The following SLC22A3 variants were observed in gnomAD, a reference collection of about 807,000 sequenced individuals.
The protein encoded by SLC22A3 is solute carrier family 22 member 3.
Under a neutral mutation model 59.1 loss-of-function variants are expected in SLC22A3, and 51 were observed. The ratio of observed to expected loss-of-function variants is 0.86; its 90% CI spans 0.69 to 1.09. The LOEUF (loss-of-function observed/expected upper bound fraction) is 1.09. Among genes scored for constraint, SLC22A3 ranks in the 50% least tolerant of loss-of-function variants. SLC22A3 has a pLI of 0.00. For missense variants in SLC22A3, 711 were observed against 726.3 expected (o/e 0.98, Z 0.24); for synonymous variants, 325 against 292.0 (o/e 1.11, Z -1.15).
intron 1 of SLC22A3, among the ~76,000 whole-genome samples, chr6:160,351,350 C>A (rs1006917631): frequency 6.6e-6 from 1 of 152,180 alleles, no homozygotes; most frequent in African/African-American, 2.4e-5. Flanking sequence ...CTCCTGACCT[C>A]GTGATCCGCC....
intron 1 of SLC22A3, among the ~76,000 whole-genome samples, chr6:160,375,064 G>T (rs1785540534): frequency 6.6e-6 from 1 of 152,158 alleles, no homozygotes; most frequent in Admixed American, 6.5e-5. Context: ...AGGCAGAAAT[G>T]ACCACATGCT....
chr6:160,444,228 G>A (rs140793089), intron 9 of SLC22A3, among the ~76,000 whole-genome samples: 43 of 152,144 alleles, frequency 2.8e-4, no homozygotes, highest in African/African-American at 5.1e-4. Context: ...TTAGCTAGGC[G>A]TGGTGATCCA....
intron 1 of SLC22A3, among the ~76,000 whole-genome samples, chr6:160,382,862 A>T (rs1249258914): frequency 6.6e-6 from 1 of 152,242 alleles, no homozygotes. Context: ...ATTATTAAAA[A>T]AATGGAAATT....
chr6:160,405,117 A>T (rs1786958637), intron 2 of SLC22A3, among the ~76,000 whole-genome samples: 1 of 152,140 alleles, frequency 6.6e-6, no homozygotes, highest in Admixed American at 6.6e-5. Flanking sequence ...TGAAATGACA[A>T]GACACAGACT....
In SLC22A3 at chr6:160,410,777, T is replaced by C. The variant is rs1305811899; in HGVS notation, c.906T>C (p.Asp302=). 2.5e-6 allele frequency: 4 copies of C among 1,613,422 alleles called. No homozygotes were observed. The highest frequency in any genetic ancestry group is 4.5e-5 in the East Asian group (2 of 44,850). The part of the protein sequence containing the change: ...PRWLITRKKG[D]KALQILRRIA... ...GGCTGATTACTCGGAAGAAAGGAGA[T>C]AAAGCATTACAGATCCTGAGACGCA... Residue 302 remains aspartate, a synonymous_variant, in exon 5 of 11, where the codon GAT becomes GAC. Transcript: ENST00000275300.
chr6:160,435,206 CATGG>C (rs1429574530), intron 5 of SLC22A3, among the ~76,000 whole-genome samples: 1 of 152,174 alleles, frequency 6.6e-6, no homozygotes, highest in Non-Finnish European at 1.5e-5. Context: ...GGAAGGGAAG[CATGG>C]ATGGTGGAAT....
chr6:160,386,215 T>C (rs769660821), intron 1 of SLC22A3, among the ~76,000 whole-genome samples: 2 of 152,234 alleles, frequency 1.3e-5, no homozygotes, highest in African/African-American at 2.4e-5. Flanking sequence ...CAGCTCCTTA[T>C]ACTTCTGCCC....
intron 1 of SLC22A3, among the ~76,000 whole-genome samples, chr6:160,363,830 T>A (rs1174175138): frequency 6.6e-6 from 1 of 151,912 alleles, no homozygotes; most frequent in Non-Finnish European, 1.5e-5. Flanking sequence ...GGGTTTTTCC[T>A]TGATGACTGT....
At chr6:160,392,885 C>G (rs1257823839) in intron 1 of SLC22A3, among the ~76,000 whole-genome samples, 1 of 149,030 alleles carries the variant, frequency 6.7e-6, no homozygotes, top group East Asian at 1.9e-4. Context: ...CTGACAGTAT[C>G]AGTGATTATT....
intron 4 of SLC22A3, 86 bp from the exon 5 acceptor site, chr6:160,410,643 T>A: frequency 1.2e-6 from 1 of 827,630 alleles, no homozygotes; most frequent in Non-Finnish European, 2.1e-6. Context: ...AATTGCAAGA[T>A]CCATTTTGAT....
At chr6:160,354,227 T>C (rs1295520588) in intron 1 of SLC22A3, among the ~76,000 whole-genome samples, 2 of 152,232 alleles carry the variant, frequency 1.3e-5, no homozygotes, top group Non-Finnish European at 2.9e-5. Context: ...AGATAAATCT[T>C]GTCCTAAATC....
rs8187717 is a variant in SLC22A3 at position 160,348,765 on chromosome 6, G to C, written c.346G>C (p.Ala116Pro). The C allele has an allele frequency of 2.6e-6, 4 of 1,544,940 alleles. No homozygotes were observed. The African/African-American group carries it at 5.4e-5, about 21-fold the overall frequency. Residue 116 changes from alanine to proline, a missense_variant, in exon 1 of 11, where the codon GCC (alanine) becomes CCC (proline). Coordinates refer to ENST00000275300, the MANE Select transcript of SLC22A3 (RefSeq NM_021977.4). ...TCTCAGCTGCGCGGACCCACTCGCC[G>C]CCTTCCCCAACCGCTCGGCTCCCCT... ...SALSCADPLAAFPNRSAPLVP... is the reference protein window; with the variant it reads ...SALSCADPLAPFPNRSAPLVP...
At chr6:160,412,324 C>A (rs895294270) in intron 5 of SLC22A3, among the ~76,000 whole-genome samples, 3 of 152,174 alleles carry the variant, frequency 2.0e-5, no homozygotes, top group African/African-American at 7.2e-5. Flanking sequence ...GATTGCCCCA[C>A]TGCACTCCAG....
At chr6:160,387,097 C>CA (rs1786051322) in intron 1 of SLC22A3, among the ~76,000 whole-genome samples, 1 of 152,236 alleles carries the variant, frequency 6.6e-6, no homozygotes, top group African/African-American at 2.4e-5. Context: ...GGAAGATAGA[C>CA]AGCTGACAGG....
intron 1 of SLC22A3, among the ~76,000 whole-genome samples, chr6:160,383,944 G>T (rs992810269): frequency 2.0e-5 from 3 of 152,034 alleles, no homozygotes; most frequent in Non-Finnish European, 2.9e-5. Flanking sequence ...CAGTTTTGGT[G>T]GGGGGGATGG....
chr6:160,380,578 G>A (rs971819626), intron 1 of SLC22A3, among the ~76,000 whole-genome samples: 1 of 152,046 alleles, frequency 6.6e-6, no homozygotes, highest in African/African-American at 2.4e-5. Flanking sequence ...ATAGACAAAG[G>A]TCTAGAAAAA....
chr6:160,389,014 C>G (rs1022539321), intron 1 of SLC22A3, among the ~76,000 whole-genome samples: 1 of 152,134 alleles, frequency 6.6e-6, no homozygotes, highest in Non-Finnish European at 1.5e-5. Context: ...TCAGTTACCC[C>G]CAAACCAAGG....
At chr6:160,444,220 A>T (rs1236539274) in intron 9 of SLC22A3, among the ~76,000 whole-genome samples, 1 of 152,140 alleles carries the variant, frequency 6.6e-6, no homozygotes, top group African/African-American at 2.4e-5. Context: ...TTTAAAAATT[A>T]GCTAGGCGTG....
chr6:160,353,761 C>T (rs898897542), intron 1 of SLC22A3, among the ~76,000 whole-genome samples: 1 of 152,016 alleles, frequency 6.6e-6, no homozygotes, highest in African/African-American at 2.4e-5. Flanking sequence ...TTTTCACAAA[C>T]ATCTAGGGCC....
Sources: allele counts gnomAD v4.1 joint callset (sites outside exome capture counted in the v4.1 genomes callset), GRCh38; gene constraint gnomAD v4.1.1; transcripts MANE v1.5; gene names NCBI Gene and HGNC (gene_info 2026-07-23, HGNC 2026-07-21).